GRB2: variants seen among roughly 807,000 people sequenced by gnomAD.
GRB2 encodes growth factor receptor-bound protein 2.
In GRB2, 2 loss-of-function variants were observed where a neutral mutation model predicts 27.4. That is an observed-to-expected ratio of 0.07 (90% CI 0.03 to 0.23). GRB2 has a LOEUF of 0.23. Ranked by LOEUF, GRB2 falls within the 10% of genes least tolerant of loss-of-function variation. The pLI, the probability that GRB2 is intolerant of heterozygous loss-of-function variation, is 1.00. For missense variants in GRB2, 102 were observed against 282.4 expected, an observed-to-expected ratio of 0.36 and a Z score of 4.58; for synonymous variants, 94 against 99.6, an observed-to-expected ratio of 0.94 and a Z score of 0.33.
At chr17:75,348,661 C>G (rs546127031) in intron 2 of GRB2, among the ~76,000 whole-genome samples, 2 of 152,202 alleles carry the variant, frequency 1.3e-5, no homozygotes, top group South Asian at 2.1e-4. Context: ...CAGAATTCAC[C>G]GCTACATGTT....
In GRB2 at chr17:75,392,557, C is replaced by T. The variant is rs536875028; in HGVS notation, c.78+994G>A. 2.2e-3 allele frequency among the ~76,000 whole-genome samples: 333 copies of T among 152,304 alleles called. 6 individuals carry two copies. In the South Asian group the frequency reaches 0.034, roughly 16 times the overall value. Reference sequence around the variant, plus strand: ...ATTTCTACATCTCCACTTGCTTTCTCTTCATAAAATTCTAAGAATTTCATT... The same window carrying T: ...ATTTCTACATCTCCACTTGCTTTCTTTTCATAAAATTCTAAGAATTTCATT... On this transcript the variant is annotated intron_variant, in intron 2 of 5. Coordinates refer to ENST00000316804, the MANE Select transcript of GRB2 (RefSeq NM_002086.5).
At chr17:75,371,039 G>C (rs1467575802) in intron 2 of GRB2, 1 of 152,290 alleles carries the variant, frequency 6.6e-6, no homozygotes. Flanking sequence ...GCCAAGTGTG[G>C]TGGCCCATGC....
At chr17:75,392,718 C>T (rs2079006072) in intron 2 of GRB2, among the ~76,000 whole-genome samples, 1 of 152,190 alleles carries the variant, frequency 6.6e-6, no homozygotes, top group African/African-American at 2.4e-5. Flanking sequence ...TTAACATACT[C>T]TTTGATAACA....
intron 2 of GRB2, chr17:75,339,076 G>C: frequency 7.4e-7 from 1 of 1,355,846 alleles, no homozygotes; most frequent in Admixed American, 1.7e-5. Context: ...GAGAATGCTG[G>C]CTATTAAAAG....
At chr17:75,399,513 C>G (rs2145877040) in intron 1 of GRB2, among the ~76,000 whole-genome samples, 1 of 149,340 alleles carries the variant, frequency 6.7e-6, no homozygotes, top group South Asian at 2.1e-4. Context: ...GATTACATGC[C>G]CCCACCACCA....
chr17:75,381,658 T>C (rs905413375), intron 2 of GRB2, among the ~76,000 whole-genome samples: 9 of 146,144 alleles, frequency 6.2e-5, no homozygotes, highest in Admixed American at 1.4e-4. Flanking sequence ...GAGGCAGAGG[T>C]TGCAATGAGC....
chr17:75,380,650 T>C (rs908121283), intron 2 of GRB2, among the ~76,000 whole-genome samples: 2 of 152,236 alleles, frequency 1.3e-5, no homozygotes, highest in Non-Finnish European at 2.9e-5. Flanking sequence ...TAGAAAATAT[T>C]CATTTAGCTC....
intron 1 of GRB2, among the ~76,000 whole-genome samples, chr17:75,400,813 T>C (rs955698446): frequency 6.6e-6 from 1 of 152,144 alleles, no homozygotes; most frequent in Non-Finnish European, 1.5e-5. Flanking sequence ...GACCAATACA[T>C]ACTCTTGACC....
Position 75,370,504 on chromosome 17 carries a change from A to G in GRB2, c.78+23047T>C, listed in dbSNP as rs572774016. Reference sequence around the variant, plus strand: ...CCAGCCAGCCCTAGCTGTGTTGCTAATAAGAGGTCAGAACGCGTCCCTGGA... The same window carrying G: ...CCAGCCAGCCCTAGCTGTGTTGCTAGTAAGAGGTCAGAACGCGTCCCTGGA... On this transcript the variant is annotated intron_variant, in intron 2 of 5. Coordinates refer to ENST00000316804, the MANE Select transcript of GRB2 (RefSeq NM_002086.5). Among the ~76,000 whole-genome samples the G allele has an allele frequency of 3.3e-5, 5 of 152,350 alleles. 1 individual carries two copies. In the South Asian group the frequency reaches 8.3e-4, roughly 25 times the overall value.
At position 75,318,257 on chromosome 17, in the gene GRB2, T is replaced by C. The variant is rs566825578; in HGVS notation, c.*2111A>G. ...ATACACCAATTCCAAAATAAAACAA[T>C]CAAATGGTCCAGGTGTAGAATGCCA... is the stretch of plus-strand genomic sequence containing the variant. On this transcript the variant is annotated 3_prime_UTR_variant, in exon 6 of 6. Coordinates refer to ENST00000316804, the MANE Select transcript of GRB2 (RefSeq NM_002086.5). 6.6e-6 allele frequency: 1 copy of C among 152,210 alleles called. No homozygotes were observed. Among genetic ancestry groups the C allele is most frequent in the African/African-American group, 2.4e-5 (1 of 41,516 alleles). The allele number at this position is 152,210 out of a possible 1,614,324, so 9.4% of individuals were successfully genotyped here.
At chr17:75,379,374 TTAAA>T (rs1399537433) in intron 2 of GRB2, among the ~76,000 whole-genome samples, 1 of 146,336 alleles carries the variant, frequency 6.8e-6, no homozygotes, top group Non-Finnish European at 1.5e-5. Context: ...TTTAAAAGAA[TTAAA>T]TAAAGAAGAC....
intron 2 of GRB2, among the ~76,000 whole-genome samples, chr17:75,389,793 C>T (rs373487389): frequency 8.7e-4 from 132 of 152,068 alleles, no homozygotes; most frequent in African/African-American, 3.2e-3. Flanking sequence ...TGCAGTGAGC[C>T]GAGATCGCGC....
chr17:75,369,885 T>C (rs2145854220), intron 2 of GRB2, among the ~76,000 whole-genome samples: 1 of 151,346 alleles, frequency 6.6e-6, no homozygotes, highest in South Asian at 2.1e-4. Flanking sequence ...TGACTATGGC[T>C]GATGGTATTT....
intron 2 of GRB2, 200 bp downstream of exon 2, chr17:75,393,351 A>C: frequency 1.7e-6 from 1 of 596,464 alleles, no homozygotes; most frequent in South Asian, 2.0e-5. Context: ...AAAGGCAGTT[A>C]AACACCACAC....
At chr17:75,402,447 T>C (rs1394922627) in intron 1 of GRB2, among the ~76,000 whole-genome samples, 4 of 152,236 alleles carry the variant, frequency 2.6e-5, no homozygotes, top group Non-Finnish European at 4.4e-5. Flanking sequence ...CTCATTCCAT[T>C]AGGCTATTCT....
intron 1 of GRB2, among the ~76,000 whole-genome samples, chr17:75,397,040 A>G (rs1010437229): frequency 6.6e-6 from 1 of 152,206 alleles, no homozygotes; most frequent in Non-Finnish European, 1.5e-5. Context: ...ATCTGCTGAA[A>G]GCTTAAAAAG....
intron 2 of GRB2, among the ~76,000 whole-genome samples, chr17:75,389,954 A>G (rs2078988404): frequency 6.6e-6 from 1 of 152,192 alleles, no homozygotes; most frequent in South Asian, 2.1e-4. Flanking sequence ...CAATTCTCTT[A>G]CTTGAGATTT....
chr17:75,329,464 G>T (rs375353003), intron 3 of GRB2, among the ~76,000 whole-genome samples: 1 of 151,130 alleles, frequency 6.6e-6, no homozygotes, highest in Non-Finnish European at 1.5e-5. Flanking sequence ...TAAAATTAAC[G>T]CAATTTTATT....
At chr17:75,332,459 C>T (rs2078547571) in intron 3 of GRB2, among the ~76,000 whole-genome samples, 2 of 152,174 alleles carry the variant, frequency 1.3e-5, no homozygotes, top group African/African-American at 4.8e-5. Flanking sequence ...TACGGACCTG[C>T]ACCAACTATC....
Sources: allele counts gnomAD v4.1 joint callset (sites outside exome capture counted in the v4.1 genomes callset), GRCh38; gene constraint gnomAD v4.1.1; transcripts MANE v1.5; gene names NCBI Gene and HGNC (gene_info 2026-07-23, HGNC 2026-07-21).